The following IL17RB variants were observed in gnomAD, a reference collection of about 807,000 sequenced individuals.
IL17RB encodes the protein interleukin 17 receptor B.
IL17RB carries 36 observed loss-of-function variants against 43.9 expected under a neutral mutation model. The observed-to-expected ratio is 0.82, with a 90% CI of 0.63 to 1.08. IL17RB has a LOEUF of 1.08. Ranked by LOEUF, IL17RB falls within the 50% of genes least tolerant of loss-of-function variation. The pLI, the probability that IL17RB is intolerant of heterozygous loss-of-function variation, is 0.00. For synonymous variants in IL17RB, 225 were observed against 225.4 expected, an observed-to-expected ratio of 1.00 and a Z score of 0.02; for missense variants, 613 against 613.6, an observed-to-expected ratio of 1.00 and a Z score of 0.01.
intron 2 of IL17RB, 136 bp from the exon 3 acceptor site, chr3:53,849,519 C>CA (rs5849010): frequency 0.98 from 740,404 of 754,214 alleles, 363,505 homozygotes; most frequent in Non-Finnish European, 0.99. Flanking sequence ...CTACAAAAAA[C>CA]ATTTTTTTAA....
intron 6 of IL17RB, among the ~76,000 whole-genome samples, chr3:53,856,526 A>G (rs1184912530): frequency 3.3e-5 from 5 of 152,202 alleles, no homozygotes; most frequent in African/African-American, 1.2e-4. Flanking sequence ...GGAAGTAGAA[A>G]ATACTGACCC....
intron 1 of IL17RB, among the ~76,000 whole-genome samples, chr3:53,847,054 A>G (rs139902583): frequency 1.3e-5 from 2 of 152,236 alleles, no homozygotes; most frequent in African/African-American, 2.4e-5. Context: ...CTGTTTCTCC[A>G]TTAGTACCCC....
At chr3:53,857,319 T>G (rs1699374893) in intron 7 of IL17RB, among the ~76,000 whole-genome samples, 1 of 152,182 alleles carries the variant, frequency 6.6e-6, no homozygotes. Context: ...AGGGTCTCAC[T>G]CTGTCATCCA....
intron 10 of IL17RB, chr3:53,861,581 G>A (rs561012917): frequency 2.6e-5 from 4 of 152,286 alleles, no homozygotes; most frequent in African/African-American, 9.6e-5. Context: ...AATATGATTT[G>A]AGAAAAAGCA....
chr3:53,860,573 T>A (rs1028133135), intron 10 of IL17RB: 2 of 171,906 alleles, frequency 1.2e-5, no homozygotes, highest in East Asian at 3.1e-4. Flanking sequence ...TAAAAAATAG[T>A]TCTTATGAGG....
chr3:53,860,765 TG>T (rs1699535154), intron 10 of IL17RB: 1 of 152,078 alleles, frequency 6.6e-6, no homozygotes, highest in African/African-American at 2.4e-5. Flanking sequence ...ATTAAAATAT[TG>T]AAAAAAATGA....
intron 10 of IL17RB, 50 bp from the exon 11 acceptor site, chr3:53,864,696 A>G (rs758176231): frequency 6.6e-6 from 9 of 1,357,816 alleles, no homozygotes; most frequent in Non-Finnish European, 1.0e-6. Context: ...ACAGAGTGAA[A>G]GCCTGCTGTT....
Position 53,858,727 on chromosome 3 carries a change from A to T in IL17RB, c.756A>T (p.Pro252=). 5 of 1,614,138 alleles carry T rather than the reference A, an allele frequency of 3.1e-6. No homozygotes were observed. Among genetic ancestry groups the T allele is most frequent in the Non-Finnish European group, 4.2e-6 (5 of 1,180,004 alleles). ...CTCTTGTTTTTCCTCAGCTGACTCCATATTTTCCTACTTGTGGCAGCGACT... is the reference window on the plus strand; with the variant it reads ...CTCTTGTTTTTCCTCAGCTGACTCCTTATTTTCCTACTTGTGGCAGCGACT... The part of the protein sequence containing the change: ...DSEGATVQLT[P]YFPTCGSDCI... The change falls in exon 9 of 11, where the codon CCA becomes CCT. Residue 252 remains proline (P), a synonymous_variant. Transcript: ENST00000288167.
intron 3 of IL17RB, 148 bp from the exon 4 acceptor site, chr3:53,851,851 T>A (rs1428243398): frequency 1.1e-6 from 1 of 892,824 alleles, no homozygotes; most frequent in Non-Finnish European, 1.7e-6. Flanking sequence ...ACCCCATCTG[T>A]AAACTGGAGA....
intron 10 of IL17RB, among the ~76,000 whole-genome samples, chr3:53,863,071 A>G (rs1415776305): frequency 6.6e-6 from 1 of 152,174 alleles, no homozygotes; most frequent in Non-Finnish European, 1.5e-5. Context: ...ATTAGTAAAT[A>G]TATTTTCTCA....
chr3:53,857,803 C>T (rs1699399161), intron 8 of IL17RB, 113 bp downstream of exon 8: 1 of 970,600 alleles, frequency 1.0e-6, no homozygotes, highest in African/African-American at 1.6e-5. Flanking sequence ...CCAGCAGACA[C>T]CAGTTAAGTG....
At chr3:53,856,591 C>T (rs754486214) in intron 6 of IL17RB, among the ~76,000 whole-genome samples, 3 of 152,210 alleles carry the variant, frequency 2.0e-5, no homozygotes, top group East Asian at 1.9e-4. Flanking sequence ...AGAACCAATC[C>T]GTGCCTCCCA....
chr3:53,849,326 A>G (rs1699047724), intron 2 of IL17RB, among the ~76,000 whole-genome samples: 1 of 152,220 alleles, frequency 6.6e-6, no homozygotes, highest in Non-Finnish European at 1.5e-5. Flanking sequence ...TTAGATCAAA[A>G]TTATCTGGGC....
At position 53,855,281 on chromosome 3, in the gene IL17RB, T is replaced by C. The variant is rs557458611; in HGVS notation, c.482-13T>C. ...TTTTTCTAAAATGTAAAAACTTTCA[T>C]TCAAATTTCCAGGCTGCCTAGACCA... On this transcript the variant is annotated splice_polypyrimidine_tract_variant and intron_variant, in intron 5 of 10. Coordinates refer to ENST00000288167, the MANE Select transcript of IL17RB (RefSeq NM_018725.4). 4.4e-6 allele frequency: 7 copies of C among 1,598,516 alleles called. No individual in the cohort carries two copies. In the African/African-American group the frequency reaches 6.7e-5, roughly 15 times the overall value.
intron 3 of IL17RB, 124 bp downstream of exon 3, chr3:53,849,919 A>C: frequency 1.1e-6 from 1 of 885,876 alleles, no homozygotes; most frequent in South Asian, 2.2e-5. Flanking sequence ...ACACGCACCA[A>C]AAGCCACATA....
In IL17RB at chr3:53,865,113, T is replaced by A; in HGVS notation, c.1314T>A (p.Ile438=). The change falls in exon 11 of 11, where the codon ATT becomes ATA. Residue 438 remains isoleucine (I), a synonymous_variant. Transcript: ENST00000288167. Reference sequence around the variant, plus strand: ...TCTGCAGTGATCTAAGAAGCCAGATTCATCTGCACAAATACGTGGTGGTCT... The same window carrying A: ...TCTGCAGTGATCTAAGAAGCCAGATACATCTGCACAAATACGTGGTGGTCT... ...NLFCSDLRSQ[I]HLHKYVVVYF... 6.2e-7 allele frequency: 1 copy of A among 1,614,200 alleles called. No homozygotes were observed. The highest frequency in any genetic ancestry group is 8.5e-7 in the Non-Finnish European group (1 of 1,180,032).
At position 53,849,810 on chromosome 3, in the gene IL17RB, A is replaced by G. The variant is rs1699069529; in HGVS notation, c.226+15A>G. 28 of 1,588,400 alleles carry G rather than the reference A, an allele frequency of 1.8e-5. No individual in the cohort carries two copies. Among genetic ancestry groups the G allele is most frequent in the Non-Finnish European group, 2.4e-5 (28 of 1,163,098 alleles). ...CCGGGCAGATGGTAAGTTTGCATCC[A>G]TCAGAGATAAGGCCCAAAGTGTCTA... On this transcript the variant is annotated intron_variant, in intron 3 of 10. Transcript: ENST00000288167.
chr3:53,848,738 T>C, intron 2 of IL17RB, 50 bp downstream of exon 2: 1 of 1,598,402 alleles, frequency 6.3e-7, no homozygotes, highest in Non-Finnish European at 8.6e-7. Flanking sequence ...GAAAGCACAG[T>C]TGGACTTTTA....
Position 53,852,623 on chromosome 3 carries a change from G to A in IL17RB, c.355-248G>A, listed in dbSNP as rs3733074. Among the ~76,000 whole-genome samples the A allele has an allele frequency of 3.6e-3, 554 of 152,204 alleles. 22 individuals are homozygous for A. The East Asian group carries it at 0.1, about 28-fold the overall frequency. On this transcript the variant is annotated intron_variant, in intron 4 of 10. Coordinates refer to ENST00000288167, the MANE Select transcript of IL17RB (RefSeq NM_018725.4). ...GTGCCTTTTGTAAGTCAGCATCTCT[G>A]GGCCTCAGTTTTTCCCTACCAGCCA...
Sources: gnomAD v4.1 joint callset for allele counts (sites outside exome capture counted in the v4.1 genomes callset) on GRCh38, gnomAD v4.1.1 for gene constraint, MANE v1.5 for transcripts, NCBI Gene and HGNC (gene_info 2026-07-23, HGNC 2026-07-21) for gene names.